Variants in NBEAL1 observed in about 807,000 individuals in gnomAD.
The protein encoded by NBEAL1 is neurobeachin-like protein 1.
NBEAL1 carries 273 observed loss-of-function variants against 351.3 expected under a neutral mutation model. The observed-to-expected ratio is 0.78, with a 90% CI of 0.70 to 0.86. NBEAL1 has a LOEUF of 0.86. Among genes scored for constraint, NBEAL1 ranks in the 40% least tolerant of loss-of-function variants. The pLI is 0.00. For synonymous variants in NBEAL1, 1,050 were observed against 1,086.4 expected (o/e 0.97, Z 0.66); for missense variants, 2,961 against 3,201.3 (o/e 0.92, Z 1.81).
intron 7 of NBEAL1, among the ~76,000 whole-genome samples, chr2:203,077,345 G>A (rs1276651976): frequency 6.6e-6 from 1 of 152,072 alleles, no homozygotes; most frequent in African/African-American, 2.4e-5. Context: ...ACTCCAGCCT[G>A]GGCGATATAG....
chr2:203,218,972 G>T lies in NBEAL1; in HGVS notation c.*1618G>T, dbSNP rs540667747. ...AAATAGAACATATTTAAATGTCAAG[G>T]TGTCTTTTCTTAAGACTTCAGGAAT... On this transcript the variant is annotated 3_prime_UTR_variant, in exon 56 of 56. Coordinates refer to ENST00000683969, the MANE Select transcript of NBEAL1 (RefSeq NM_001378026.1). 2.6e-5 allele frequency: 4 copies of T among 152,094 alleles called. No homozygotes were observed. The highest frequency in any genetic ancestry group is 5.9e-5 in the Non-Finnish European group (4 of 68,032). The allele number at this position is 152,094 out of a possible 1,614,324, so 9.4% of individuals were successfully genotyped here.
rs1419867222 is a variant in NBEAL1, at chr2:203,100,645, C to T, written c.1269+933C>T. On this transcript the variant is annotated intron_variant, in intron 12 of 55. Transcript: ENST00000683969. ...CACTGCAACCTCCGCCTCCTGGTTT[C>T]AAGTGATGCTCCTGCCTCAGCCTCC... 2.7e-5 allele frequency among the ~76,000 whole-genome samples: 4 copies of T among 150,672 alleles called. No homozygotes were observed. In the East Asian group the frequency reaches 7.8e-4, roughly 29 times the overall value.
intron 2 of NBEAL1, among the ~76,000 whole-genome samples, chr2:203,022,383 T>A (rs753021672): frequency 1.1e-4 from 16 of 152,136 alleles, no homozygotes; most frequent in Non-Finnish European, 2.1e-4. Context: ...CTTTAAAAAA[T>A]TTTTTATTTT....
chr2:203,032,982 AT>A (rs1289891590), intron 2 of NBEAL1, among the ~76,000 whole-genome samples: 1 of 148,232 alleles, frequency 6.7e-6, no homozygotes, highest in Non-Finnish European at 1.5e-5. Flanking sequence ...GTACCTTTTT[AT>A]TTTATTATTA....
chr2:203,161,378 C>G (rs1192768134), intron 36 of NBEAL1, among the ~76,000 whole-genome samples: 3 of 150,186 alleles, frequency 2.0e-5, no homozygotes. Flanking sequence ...CGCCTGTAGT[C>G]CCAGCAGTTT....
intron 35 of NBEAL1, 129 bp from the exon 36 acceptor site, chr2:203,157,570 C>T (rs1055462183): frequency 2.7e-4 from 148 of 552,502 alleles, no homozygotes; most frequent in Non-Finnish European, 6.2e-5. Context: ...ATCAAAGTAC[C>T]GTCTTTACTT....
intron 46 of NBEAL1, chr2:203,191,243 T>A: frequency 6.9e-7 from 1 of 1,453,912 alleles, no homozygotes. Flanking sequence ...ATCGATGACA[T>A]CAACAGTGGT....
At chr2:203,053,247 T>C (rs1276649162) in intron 4 of NBEAL1, among the ~76,000 whole-genome samples, 2 of 152,166 alleles carry the variant, frequency 1.3e-5, no homozygotes, top group African/African-American at 4.8e-5. Context: ...TGGATTATAC[T>C]ATTCTTTTAT....
At chr2:203,131,365 A>G (rs1293098936) in intron 25 of NBEAL1, among the ~76,000 whole-genome samples, 3 of 152,076 alleles carry the variant, frequency 2.0e-5, no homozygotes, top group African/African-American at 4.8e-5. Flanking sequence ...ACAGGCACGC[A>G]TCACCACACC....
intron 10 of NBEAL1, among the ~76,000 whole-genome samples, chr2:203,088,420 G>A (rs1232914185): frequency 1.3e-5 from 2 of 152,146 alleles, no homozygotes; most frequent in Non-Finnish European, 2.9e-5. Context: ...AAACCCCTCA[G>A]TGATGGGGTC....
chr2:203,056,462 C>G lies in NBEAL1; in HGVS notation c.341C>G (p.Ser114Trp). The change falls in exon 5 of 56, where the codon TCG becomes TGG. Residue 114 changes from serine (S) to tryptophan (W), a missense_variant. Transcript: ENST00000683969. The part of the protein sequence containing the change: ...LSNVEEIGTC[S>W]YINYVITMTT... ...AATGTGGAAGAAATTGGGACTTGCT[C>G]GTACATTAATTATGTCATCACCATG... The G allele has an allele frequency of 6.4e-7, 1 of 1,550,792 alleles. No individual in the cohort carries two copies. Among genetic ancestry groups the G allele is most frequent in the Non-Finnish European group, 8.7e-7 (1 of 1,144,492 alleles).
chr2:203,097,572 T>TCTTA lies in NBEAL1; in HGVS notation c.1124_1125insCTTA (p.Ala376LeufsTer19). ...CTATTTTTAAATGCTAACAATAAGG[T>TCTTA]GGCAGACAAGAACGAGAAAGACCTT... On this transcript the variant is annotated frameshift_variant, in exon 11 of 56. Transcript: ENST00000683969. LOFTEE classifies it high-confidence loss of function. The TCTTA allele has an allele frequency of 5.1e-6, 5 of 985,564 alleles. No individual in the cohort carries two copies. Among genetic ancestry groups the TCTTA allele is most frequent in the Non-Finnish European group, 6.0e-6 (5 of 829,674 alleles). The allele number at this position is 985,564 out of a possible 1,614,324, so 61.1% of individuals were successfully genotyped here.
Position 203,190,794 on chromosome 2 carries a change from C to T in NBEAL1, c.6921+405C>T, listed in dbSNP as rs146184762. 4.9e-3 allele frequency: 7,873 copies of T among 1,610,414 alleles called. 53 individuals carry two copies. In the African/African-American group the frequency reaches 0.084, roughly 17 times the overall value. On this transcript the variant is annotated intron_variant, in intron 46 of 55. Transcript: ENST00000683969. ...CCGCCTCCACCATGCCGCCGAAGTT[C>T]GACCCCAACGAGATCAAAGTCGTAT...
At chr2:203,159,874 T>A (rs1344494511) in intron 36 of NBEAL1, among the ~76,000 whole-genome samples, 2 of 152,018 alleles carry the variant, frequency 1.3e-5, no homozygotes, top group Non-Finnish European at 2.9e-5. Context: ...TGTTCTAATT[T>A]CTCCACATCT....
chr2:203,062,488 C>T lies in NBEAL1; in HGVS notation c.515+5035C>T. 1 of 328,078 alleles carries T rather than the reference C, an allele frequency of 3.0e-6. No homozygotes were observed. The highest frequency in any genetic ancestry group is 5.9e-6 in the Non-Finnish European group (1 of 169,250). 20.3% of individuals were successfully genotyped at this position (328,078 alleles called of 1,614,324 possible). On this transcript the variant is annotated intron_variant, in intron 6 of 55. Transcript: ENST00000683969. This position sits in a 1 kb window ranked among gnomAD's most constrained non-coding sequence, Gnocchi z 4.2. ...ACAGGCAACAGAGGCTGCCCCAGAACCACCTAAGGCCTCTCAGAGCTGAGG... is the reference window on the plus strand; with the variant it reads ...ACAGGCAACAGAGGCTGCCCCAGAATCACCTAAGGCCTCTCAGAGCTGAGG...
chr2:203,077,353 T>C (rs1182533384), intron 7 of NBEAL1, among the ~76,000 whole-genome samples: 2 of 151,850 alleles, frequency 1.3e-5, no homozygotes, highest in Admixed American at 1.3e-4. Flanking sequence ...CTGGGCGATA[T>C]AGCGAGACTC....
At chr2:203,147,556 A>C (rs901045530) in intron 33 of NBEAL1, among the ~76,000 whole-genome samples, 22 of 152,264 alleles carry the variant, frequency 1.4e-4, no homozygotes, top group African/African-American at 5.0e-4. Flanking sequence ...GTATTCATGA[A>C]TTGGAAGACT....
rs57126638 is a variant in NBEAL1 at position 203,119,424 on chromosome 2, C to CTTTTTTTTTTTTTTTT, written c.2593-2825_2593-2810dup. On this transcript the variant is annotated intron_variant, in intron 18 of 55. Coordinates refer to ENST00000683969, the MANE Select transcript of NBEAL1 (RefSeq NM_001378026.1). Reference sequence around the variant, plus strand: ...GTGAGCCACTGCATACGGCCTGTTGCTTTTTTTTTTTTTTTTTTTTGAGAC... The same window carrying CTTTTTTTTTTTTTTTT: ...GTGAGCCACTGCATACGGCCTGTTGCTTTTTTTTTTTTTTTTTTTTTTTTTTTTTTTTTTTTGAGAC... Among the ~76,000 whole-genome samples the CTTTTTTTTTTTTTTTT allele has an allele frequency of 1.5e-3, 99 of 66,664 alleles. 21 individuals are homozygous for CTTTTTTTTTTTTTTTT. The highest frequency in any genetic ancestry group is 3.8e-3 in the African/African-American group (66 of 17,534). The allele number at this position is 66,664 out of a possible 152,430, so 43.7% of individuals were successfully genotyped here. A position where few individuals can be genotyped will look rare whatever the true frequency, so the allele number is the denominator to read the frequency against.
chr2:203,191,430 T>C (rs1329267800), intron 46 of NBEAL1: 2 of 460,126 alleles, frequency 4.3e-6, no homozygotes, highest in African/African-American at 2.0e-5. Flanking sequence ...AATTAAATCA[T>C]TATCTTCCTG....
Sources: gnomAD v4.1 joint callset for allele counts (sites outside exome capture counted in the v4.1 genomes callset) on GRCh38, gnomAD v4.1.1 for gene constraint, Gnocchi (gnomAD v3.1) non-coding constraint, MANE v1.5 for transcripts, NCBI Gene and HGNC (gene_info 2026-07-23, HGNC 2026-07-21) for gene names.